Variants in ADCY3 observed in about 807,000 individuals in gnomAD.
ADCY3 encodes adenylate cyclase type 3.
A neutral mutation model predicts 119.4 loss-of-function variants in ADCY3; 70 were observed. That is an observed-to-expected ratio of 0.59 (90% CI 0.48 to 0.72). The LOEUF (loss-of-function observed/expected upper bound fraction) is 0.72, where lower values mean the gene tolerates loss of function less well. Ranked by LOEUF, ADCY3 falls within the 30% of genes least tolerant of loss-of-function variation. The pLI is 0.00. For missense variants in ADCY3, 1,238 were observed against 1,541.6 expected, an observed-to-expected ratio of 0.80 and a Z score of 3.30; for synonymous variants, 672 against 621.4, an observed-to-expected ratio of 1.08 and a Z score of -1.21.
Position 24,823,353 on chromosome 2 carries a change from C to T in ADCY3, c.2739G>A (p.Glu913=), listed in dbSNP as rs1479895583. The change falls in exon 18 of 22, where the codon GAG becomes GAA. Residue 913 remains glutamate (E), a splice_region_variant and synonymous_variant. Coordinates refer to ENST00000679454, the MANE Select transcript of ADCY3 (RefSeq NM_004036.5). ...TCTCATCATACGTCTGGCTATACAGCTCCTAAAAAGAGGTGCGGACAACGT... is the reference window on the plus strand; with the variant it reads ...TCTCATCATACGTCTGGCTATACAGTTCCTAAAAAGAGGTGCGGACAACGT... ...HFLGSKKRDE[E]LYSQTYDEIG... is the part of the protein sequence containing the mutation. 4.3e-6 allele frequency: 7 copies of T among 1,611,106 alleles called. No homozygotes were observed. The highest frequency in any genetic ancestry group is 1.7e-4 in the Middle Eastern group (1 of 5,812).
At chr2:24,892,542 C>T (rs1677790371) in intron 2 of ADCY3, among the ~76,000 whole-genome samples, 1 of 152,222 alleles carries the variant, frequency 6.6e-6, no homozygotes, top group African/African-American at 2.4e-5. Flanking sequence ...TGAGCCACCA[C>T]TCCCAGCCAA....
chr2:24,872,344 G>T lies in ADCY3; in HGVS notation c.825+226C>A, dbSNP rs1675121532. On this transcript the variant is annotated intron_variant, in intron 3 of 21. Coordinates refer to ENST00000679454, the MANE Select transcript of ADCY3 (RefSeq NM_004036.5). The surrounding 1 kb of genome is among the most constrained non-coding windows in gnomAD (Gnocchi z 4.4). ...CAGGAAGGCAGAAGAGGAGAGATCT[G>T]GGTCAAGCAGAAGCAGATTTAGGAG... 6.6e-6 allele frequency among the ~76,000 whole-genome samples: 1 copy of T among 152,186 alleles called. No homozygotes were observed. The highest frequency in any genetic ancestry group is 6.5e-5 in the Admixed American group (1 of 15,280).
chr2:24,894,400 A>G (rs1678024917), intron 2 of ADCY3, among the ~76,000 whole-genome samples: 1 of 152,170 alleles, frequency 6.6e-6, no homozygotes, highest in Non-Finnish European at 1.5e-5. Flanking sequence ...CCTTGAGCCC[A>G]GGAGGTTGAG....
chr2:24,877,150 G>A (rs1372968032), intron 2 of ADCY3, among the ~76,000 whole-genome samples: 1 of 152,214 alleles, frequency 6.6e-6, no homozygotes, highest in Non-Finnish European at 1.5e-5. Context: ...GCCACTGTGT[G>A]CGGGAAGGTG....
intron 3 of ADCY3, among the ~76,000 whole-genome samples, chr2:24,863,429 C>T (rs1008071857): frequency 2.0e-5 from 3 of 152,340 alleles, no homozygotes; most frequent in Admixed American, 6.5e-5. Context: ...GCTCTCCTTG[C>T]TCTTACCTGC....
chr2:24,912,302 GAA>G (rs367822938), intron 2 of ADCY3, among the ~76,000 whole-genome samples: 5 of 109,840 alleles, frequency 4.6e-5, no homozygotes, highest in African/African-American at 6.8e-5. Flanking sequence ...GTCTCTATTT[GAA>G]AAAAAAAAAA....
chr2:24,845,952 C>T (rs978054042), intron 3 of ADCY3, among the ~76,000 whole-genome samples: 1 of 152,252 alleles, frequency 6.6e-6, no homozygotes, highest in Admixed American at 6.5e-5. Flanking sequence ...GTGCAAACCC[C>T]AAGCCTTGGC....
intron 6 of ADCY3, 60 bp from the exon 7 acceptor site, chr2:24,840,091 C>G: frequency 6.4e-7 from 1 of 1,557,312 alleles, no homozygotes; most frequent in Non-Finnish European, 8.7e-7. Flanking sequence ...AGCCAGCTGC[C>G]CCTGCTCCTG....
intron 3 of ADCY3, among the ~76,000 whole-genome samples, chr2:24,857,164 G>A (rs902738719): frequency 2.0e-5 from 3 of 152,220 alleles, no homozygotes; most frequent in African/African-American, 4.8e-5. Flanking sequence ...AGGGGACACC[G>A]AACATGTGGG....
intron 3 of ADCY3, among the ~76,000 whole-genome samples, chr2:24,862,807 A>C (rs1673835885): frequency 6.6e-6 from 1 of 152,208 alleles, no homozygotes; most frequent in Non-Finnish European, 1.5e-5. Flanking sequence ...TTTCAAAAAA[A>C]GTCCCAGATT....
intron 2 of ADCY3, among the ~76,000 whole-genome samples, chr2:24,874,580 T>A (rs1675421581): frequency 6.6e-6 from 1 of 152,204 alleles, no homozygotes; most frequent in South Asian, 2.1e-4. Flanking sequence ...CCCTCCAGCC[T>A]CCTTCCCGGC....
intron 3 of ADCY3, among the ~76,000 whole-genome samples, chr2:24,855,782 C>T (rs375177640): frequency 8.1e-4 from 124 of 152,298 alleles, no homozygotes; most frequent in African/African-American, 3.0e-3. Flanking sequence ...GGGCAAGATG[C>T]TGGGCCTCCT....
At chr2:24,827,416 T>G (rs560907003) in intron 15 of ADCY3, 130 bp downstream of exon 15, 2 of 963,774 alleles carry the variant, frequency 2.1e-6, no homozygotes, top group East Asian at 5.3e-5. Context: ...CATGCCAGCT[T>G]CTCTAACCTG....
At position 24,827,943 on chromosome 2, in the gene ADCY3, G is replaced by A. The variant is rs772433588; in HGVS notation, c.2391C>T (p.Pro797=). The change falls in exon 14 of 22, where the codon CCC becomes CCT. Residue 797 remains proline (P), a synonymous_variant. Coordinates refer to ENST00000679454, the MANE Select transcript of ADCY3 (RefSeq NM_004036.5). ...VATINLYAWR[P]VFDEYDHKRF... ...GCTTGTGGTCGTATTCATCAAAGACGGGACGCCAGGCATAGAGGTTGATGG... is the reference window on the plus strand; with the variant it reads ...GCTTGTGGTCGTATTCATCAAAGACAGGACGCCAGGCATAGAGGTTGATGG... 6 of 1,614,206 alleles carry A rather than the reference G, an allele frequency of 3.7e-6. No homozygotes were observed. The highest frequency in any genetic ancestry group is 1.1e-5 in the South Asian group (1 of 91,074).
Position 24,899,313 on chromosome 2 carries a change from A to G in ADCY3, c.675+19000T>C, listed in dbSNP as rs1415744325. Among the ~76,000 whole-genome samples the G allele has an allele frequency of 6.6e-6, 1 of 152,166 alleles. No individual in the cohort carries two copies. Among genetic ancestry groups the G allele is most frequent in the Non-Finnish European group, 1.5e-5 (1 of 68,030 alleles). ...TTCTGCCCTGTGAGGTGATGACTGTATTGATTTTGATGCCTTCTTCAATCC... is the reference window on the plus strand; with the variant it reads ...TTCTGCCCTGTGAGGTGATGACTGTGTTGATTTTGATGCCTTCTTCAATCC... On this transcript the variant is annotated intron_variant, in intron 2 of 21. Transcript: ENST00000679454. The surrounding 1 kb of genome is among the most constrained non-coding windows in gnomAD (Gnocchi z 4.5).
intron 2 of ADCY3, among the ~76,000 whole-genome samples, chr2:24,887,181 G>A (rs140279328): frequency 9.8e-5 from 15 of 152,290 alleles, no homozygotes; most frequent in Admixed American, 5.2e-4. Context: ...GCAGGAAGAC[G>A]TGCCGAGCGA....
chr2:24,831,918 G>C (rs1161639847), intron 11 of ADCY3, among the ~76,000 whole-genome samples, 169 bp from the exon 12 acceptor site: 16 of 69,338 alleles, frequency 2.3e-4, no homozygotes, highest in Admixed American at 6.2e-4. Context: ...CAGGGGCCAG[G>C]GGACAGCGGA....
chr2:24,916,499 TG>T (rs1017891129), intron 2 of ADCY3, among the ~76,000 whole-genome samples: 7 of 152,172 alleles, frequency 4.6e-5, no homozygotes, highest in East Asian at 3.8e-4. Flanking sequence ...CTGGCCAACA[TG>T]GTGAAACCTT....
intron 2 of ADCY3, among the ~76,000 whole-genome samples, chr2:24,887,261 G>C (rs1452787706): frequency 6.6e-6 from 1 of 152,104 alleles, no homozygotes. Flanking sequence ...GAACAGCATG[G>C]GGGAAACCAC....
Sources: allele counts gnomAD v4.1 joint callset (sites outside exome capture counted in the v4.1 genomes callset), GRCh38; gene constraint gnomAD v4.1.1; non-coding constraint Gnocchi (gnomAD v3.1); transcripts MANE v1.5; gene names NCBI Gene and HGNC (gene_info 2026-07-23, HGNC 2026-07-21).